The following RBM44 variants were observed in gnomAD, a reference collection of about 807,000 sequenced individuals.
RBM44 encodes the protein RNA-binding protein 44.
RBM44 carries 66 observed loss-of-function variants against 105.1 expected under a neutral mutation model. The ratio of observed to expected loss-of-function variants is 0.63; its 90% CI spans 0.52 to 0.77. RBM44 has a LOEUF of 0.77. Among genes scored for constraint, RBM44 ranks in the 30% least tolerant of loss-of-function variants. The probability of loss-of-function intolerance (pLI) is 0.00; values close to 1 mark genes in which losing one functional copy is unlikely to be tolerated. For missense variants in RBM44, 1,122 were observed against 1,207.8 expected (o/e 0.93, Z 1.05); for synonymous variants, 365 against 417.6 (o/e 0.87, Z 1.54).
At position 237,825,245 on chromosome 2, in the gene RBM44, CAG is replaced by C. The variant is rs1227404693; in HGVS notation, c.2449+829_2449+830del. Among the ~76,000 whole-genome samples, 5 of 152,020 alleles carry C rather than the reference CAG, an allele frequency of 3.3e-5. No individual in the cohort carries two copies. The East Asian group carries it at 9.7e-4, about 29-fold the overall frequency. ...GTTGTTGTTTGTTTGTTTTTTGAGA[CAG>C]AGTCTCGCTCTGTCACCCAGGCTGG... On this transcript the variant is annotated intron_variant, in intron 10 of 15. Transcript: ENST00000316997.
At chr2:237,833,319 G>A (rs2061920842) in intron 13 of RBM44, among the ~76,000 whole-genome samples, 1 of 152,156 alleles carries the variant, frequency 6.6e-6, no homozygotes, top group Admixed American at 6.6e-5. Flanking sequence ...TAAAGTCTGA[G>A]TCCTTCCTTT....
In RBM44 at chr2:237,820,297, G is replaced by A. The variant is rs748017651; in HGVS notation, c.1859G>A (p.Arg620His). The change falls in exon 5 of 16, where the codon CGC (arginine) becomes CAC (histidine). Residue 620 changes from arginine (R) to histidine (H), a missense_variant. Around this residue, in one of 3 missense-constraint regions of RBM44, gnomAD observed 918 missense variants for 955.3 expected, o/e 0.96. Transcript: ENST00000316997. ...AATGTTCACTATCAGATGTGTCGTC[G>A]CCATTGTTGTGATATTTACAAACTT... ...LLNVHYQMCR[R>H]HCCDIYKLVM... The A allele has an allele frequency of 3.6e-5, 57 of 1,601,758 alleles. No homozygotes were observed. Among genetic ancestry groups the A allele is most frequent in the Non-Finnish European group, 3.9e-5 (46 of 1,173,530 alleles).
Position 237,841,590 on chromosome 2 carries a change from A to G in RBM44, c.*23-249A>G, listed in dbSNP as rs1255262919. Among the ~76,000 whole-genome samples, 3 of 152,164 alleles carry G rather than the reference A, an allele frequency of 2.0e-5. No individual in the cohort carries two copies. The highest frequency in any genetic ancestry group is 4.4e-5 in the Non-Finnish European group (3 of 68,042). ...AACTAAAACAGAAGTTTAAAATAAA[A>G]TATCTGATTTTTCTTTATTAAAATG... On this transcript the variant is annotated intron_variant, in intron 15 of 15. Coordinates refer to ENST00000316997, the MANE Select transcript of RBM44 (RefSeq NM_001080504.3). This position sits in a 1 kb window ranked among gnomAD's most constrained non-coding sequence, Gnocchi z 4.5.
intron 15 of RBM44, among the ~76,000 whole-genome samples, chr2:237,836,609 G>A (rs569048147): frequency 3.2e-4 from 48 of 151,860 alleles, no homozygotes; most frequent in African/African-American, 1.1e-3. Context: ...GTGAAACCCC[G>A]TCTCTACTAA....
At chr2:237,826,876 T>C (rs564751726) in intron 10 of RBM44, among the ~76,000 whole-genome samples, 1 of 152,240 alleles carries the variant, frequency 6.6e-6, no homozygotes, top group African/African-American at 2.4e-5. Flanking sequence ...TATATGCAAA[T>C]ACTGTGCCAT....
At position 237,817,469 on chromosome 2, in the gene RBM44, TCA is replaced by T. The variant is rs1333669698; in HGVS notation, c.553_554del (p.Gln185AlafsTer14). On this transcript the variant is annotated frameshift_variant, in exon 3 of 16. Transcript: ENST00000316997. LOFTEE classifies it high-confidence loss of function. Reference sequence around the variant, plus strand: ...ACAAAAGCATGATACAGATGAAGACTCACAGCAGGAATATCACAGTGCAGAAG... The same window carrying T: ...ACAAAAGCATGATACAGATGAAGACTCAGCAGGAATATCACAGTGCAGAAG... ...DTQKHDTDEDSQQEYHSAEEQ... is the reference protein window; with the variant it reads ...DTQKHDTDEDXQQEYHSAEEQ... The T allele has an allele frequency of 6.2e-7, 1 of 1,602,348 alleles. No individual in the cohort carries two copies. The highest frequency in any genetic ancestry group is 1.7e-5 in the Admixed American group (1 of 57,778).
In RBM44 at chr2:237,828,029, G is replaced by T. The variant is rs1475462760; in HGVS notation, c.2600+526G>T. Reference sequence around the variant, plus strand: ...GCACATAGTAGGTGCTCAGAAAATTGTATTTCATTTCACTGTTTCTGATTT... The same window carrying T: ...GCACATAGTAGGTGCTCAGAAAATTTTATTTCATTTCACTGTTTCTGATTT... On this transcript the variant is annotated intron_variant, in intron 12 of 15. Transcript: ENST00000316997. Among the ~76,000 whole-genome samples, 6 of 152,220 alleles carry T rather than the reference G, an allele frequency of 3.9e-5. No homozygotes were observed. In the East Asian group the frequency reaches 9.6e-4, roughly 24 times the overall value.
chr2:237,805,300 A>G (rs1471641595), intron 1 of RBM44, among the ~76,000 whole-genome samples: 2 of 152,248 alleles, frequency 1.3e-5, no homozygotes, highest in East Asian at 3.8e-4. Flanking sequence ...AAAGATCTCT[A>G]CAAGGCGTAC....
chr2:237,813,348 G>T (rs907887806), intron 1 of RBM44, among the ~76,000 whole-genome samples: 2 of 152,070 alleles, frequency 1.3e-5, no homozygotes, highest in Non-Finnish European at 2.9e-5. Context: ...CCAAGTCATT[G>T]GTTTTTAGTA....
At position 237,816,097 on chromosome 2, in the gene RBM44, C is replaced by T. The variant is rs74001292; in HGVS notation, c.74-896C>T. ...ATTTCCTGAAAATGCCATGTTCTTT[C>T]ACACGGCTAATTGTACTTGCGTTGG... On this transcript the variant is annotated intron_variant, in intron 2 of 15. Coordinates refer to ENST00000316997, the MANE Select transcript of RBM44 (RefSeq NM_001080504.3). Among the ~76,000 whole-genome samples, 887 of 152,308 alleles carry T rather than the reference C, an allele frequency of 5.8e-3. 9 individuals carry two copies. Among genetic ancestry groups the T allele is most frequent in the African/African-American group, 0.02 (821 of 41,574 alleles).
chr2:237,840,766 C>CA (rs1342950973), intron 15 of RBM44, among the ~76,000 whole-genome samples: 1 of 152,078 alleles, frequency 6.6e-6, no homozygotes, highest in Non-Finnish European at 1.5e-5. Flanking sequence ...AGGACATGAA[C>CA]AGACATTTGT....
chr2:237,829,103 T>C (rs927438603), intron 12 of RBM44, 114 bp from the exon 13 acceptor site: 26 of 715,024 alleles, frequency 3.6e-5, no homozygotes. Flanking sequence ...ACCTTTTTAT[T>C]TTTAAAAGCA....
At chr2:237,805,195 A>G (rs780155885) in intron 1 of RBM44, among the ~76,000 whole-genome samples, 31 of 152,204 alleles carry the variant, frequency 2.0e-4, no homozygotes, top group African/African-American at 7.2e-4. Context: ...TACGCCAACA[A>G]TGACAAGGCT....
At chr2:237,838,835 G>A (rs923270419) in intron 15 of RBM44, among the ~76,000 whole-genome samples, 2 of 152,202 alleles carry the variant, frequency 1.3e-5, no homozygotes, top group East Asian at 3.8e-4. Flanking sequence ...CACACAAGAT[G>A]TGCTTAATTT....
chr2:237,820,511 T>C (rs1050465555), intron 5 of RBM44, 160 bp downstream of exon 5: 48 of 483,672 alleles, frequency 9.9e-5, no homozygotes, highest in South Asian at 5.9e-4. Context: ...CCCTTGAGTT[T>C]CATGGAGGGG....
At chr2:237,801,022 G>T (rs1049431675) in intron 1 of RBM44, among the ~76,000 whole-genome samples, 2 of 152,114 alleles carry the variant, frequency 1.3e-5, no homozygotes, top group African/African-American at 2.4e-5. Flanking sequence ...CCCAGCTGGG[G>T]TTCTCAATAC....
In RBM44 at chr2:237,817,636, G is replaced by T. The variant is rs202227950; in HGVS notation, c.717G>T (p.Ser239=). The T allele has an allele frequency of 1.2e-6, 2 of 1,612,842 alleles. No homozygotes were observed. The highest frequency in any genetic ancestry group is 1.1e-5 in the South Asian group (1 of 91,016). ...ATGTAGAAGATAATCGTGTTAACTCGGGAAGTGGTTCTATCATCTCTTTCG... is the reference window on the plus strand; with the variant it reads ...ATGTAGAAGATAATCGTGTTAACTCTGGAAGTGGTTCTATCATCTCTTTCG... ...ASNVEDNRVN[S]GSGSIISFDS... Residue 239 remains serine, a synonymous_variant, in exon 3 of 16, where the codon TCG becomes TCT. Transcript: ENST00000316997.
At chr2:237,820,547 AT>A in intron 5 of RBM44, 196 bp downstream of exon 5, 1 of 405,668 alleles carries the variant, frequency 2.5e-6, no homozygotes, top group Non-Finnish European at 4.4e-6. Flanking sequence ...GGCATGATGA[AT>A]CCAGTGAAAA....
Position 237,821,967 on chromosome 2 carries a change from C to T in RBM44, c.2205+140C>T, listed in dbSNP as rs576251468. Reference sequence around the variant, plus strand: ...GTGTACTACCATTTGAGGGATATAACTGATTATAATGATATATTTATGTCG... The same window carrying T: ...GTGTACTACCATTTGAGGGATATAATTGATTATAATGATATATTTATGTCG... On this transcript the variant is annotated intron_variant, in intron 8 of 15. Transcript: ENST00000316997. 1.7e-4 allele frequency: 102 copies of T among 617,880 alleles called. No homozygotes were observed. In the Admixed American group the frequency reaches 2.8e-3, roughly 17 times the overall value. 38.3% of individuals were successfully genotyped at this position (617,880 alleles called of 1,614,324 possible).
Sources: allele counts gnomAD v4.1 joint callset (sites outside exome capture counted in the v4.1 genomes callset), GRCh38; gene constraint gnomAD v4.1.1; regional missense constraint gnomAD v4.1.1; non-coding constraint Gnocchi (gnomAD v3.1); transcripts MANE v1.5; gene names NCBI Gene and HGNC (gene_info 2026-07-23, HGNC 2026-07-21).